Variants in SYNE3 observed in about 807,000 individuals in gnomAD.
The protein encoded by SYNE3 is nesprin-3.
SYNE3 carries 100 observed loss-of-function variants against 111.2 expected under a neutral mutation model. That is an observed-to-expected ratio of 0.90 (90% CI 0.77 to 1.06). SYNE3 has a LOEUF of 1.06. Among genes scored for constraint, SYNE3 ranks in the 50% least tolerant of loss-of-function variants. The probability of loss-of-function intolerance (pLI) is 0.00; values close to 1 mark genes in which losing one functional copy is unlikely to be tolerated. For synonymous variants in SYNE3, 547 were observed against 533.9 expected, an observed-to-expected ratio of 1.02 and a Z score of -0.34; for missense variants, 1,160 against 1,240.3, an observed-to-expected ratio of 0.94 and a Z score of 0.97.
At chr14:95,464,922 A>G (rs1888071233) in intron 4 of SYNE3, among the ~76,000 whole-genome samples, 1 of 152,250 alleles carries the variant, frequency 6.6e-6, no homozygotes, top group Non-Finnish European at 1.5e-5. Context: ...AATGATTGCA[A>G]ATATAAGCTA....
chr14:95,511,977 C>T (rs1890738853), intron 1 of SYNE3, among the ~76,000 whole-genome samples: 1 of 152,088 alleles, frequency 6.6e-6, no homozygotes, highest in South Asian at 2.1e-4. Context: ...GTCCAGGTGA[C>T]CTGAGGTTCC....
chr14:95,447,384 C>T (rs537020403), intron 8 of SYNE3, among the ~76,000 whole-genome samples: 153 of 152,164 alleles, frequency 1.0e-3, no homozygotes, highest in Non-Finnish European at 1.9e-3. Flanking sequence ...GATCCGCCCA[C>T]CTCGGCCTCC....
intron 2 of SYNE3, among the ~76,000 whole-genome samples, chr14:95,469,549 A>AAAAAAAT: frequency 6.9e-6 from 1 of 144,068 alleles, no homozygotes; most frequent in African/African-American, 2.5e-5. Context: ...AAAAAAAAAA[A>AAAAAAAT]AAAAATTAAA....
chr14:95,450,325 T>TG lies in SYNE3; in HGVS notation c.1275-221dup, dbSNP rs1192310478. ...TATGAAAAGGCATCAGCAGCAGGCC[T>TG]GGGGTCTTCCTGAGGACAGACACTG... On this transcript the variant is annotated intron_variant, in intron 7 of 17. Coordinates refer to ENST00000682763, the MANE Select transcript of SYNE3 (RefSeq NM_152592.6). 1.0e-5 allele frequency: 6 copies of TG among 598,480 alleles called. No individual in the cohort carries two copies. In the African/African-American group the frequency reaches 1.1e-4, roughly 11 times the overall value. The allele number at this position is 598,480 out of a possible 1,614,324, so 37.1% of individuals were successfully genotyped here. A position where few individuals can be genotyped will look rare whatever the true frequency, so the allele number is the denominator to read the frequency against.
chr14:95,452,563 T>C (rs963637555), intron 6 of SYNE3, among the ~76,000 whole-genome samples, 180 bp from the exon 7 acceptor site: 5 of 152,328 alleles, frequency 3.3e-5, no homozygotes, highest in Non-Finnish European at 7.3e-5. Context: ...TCTAGCTCCA[T>C]GACCTGGAAC....
At position 95,455,898 on chromosome 14, in the gene SYNE3, T is replaced by G. The variant is rs1887407628; in HGVS notation, c.790-174A>C. 4 of 612,252 alleles carry G rather than the reference T, an allele frequency of 6.5e-6. No homozygotes were observed. In the South Asian group the frequency reaches 8.8e-5, roughly 14 times the overall value. The allele number at this position is 612,252 out of a possible 1,614,324, so 37.9% of individuals were successfully genotyped here. A position where few individuals can be genotyped will look rare whatever the true frequency, so the allele number is the denominator to read the frequency against. ...ACTGTCTGCCTTAAGTAGCATGGAC[T>G]CACAACCTGAGAACCCTATTCCTTC... On this transcript the variant is annotated intron_variant, in intron 5 of 17. Coordinates refer to ENST00000682763, the MANE Select transcript of SYNE3 (RefSeq NM_152592.6).
chr14:95,478,946 G>C lies in SYNE3; in HGVS notation c.-14-3111C>G, dbSNP rs1889056633. On this transcript the variant is annotated intron_variant, in intron 1 of 17. Coordinates refer to ENST00000682763, the MANE Select transcript of SYNE3 (RefSeq NM_152592.6). ...AGTGACCCCACCGGCACATGTCTGG[G>C]AAAGAGTCAGCCATGAGGCCAGAAG... Among the ~76,000 whole-genome samples the C allele has an allele frequency of 3.9e-5, 6 of 152,200 alleles. No individual in the cohort carries two copies. The South Asian group carries it at 1.0e-3, about 26-fold the overall frequency.
rs961636676 is a variant in SYNE3 at position 95,455,291 on chromosome 14, A to G, written c.1137+86T>C. 2.2e-5 allele frequency: 24 copies of G among 1,114,222 alleles called. No homozygotes were observed. The African/African-American group carries it at 3.6e-4, about 17-fold the overall frequency. 69.0% of individuals were successfully genotyped at this position (1,114,222 alleles called of 1,614,324 possible). A position where few individuals can be genotyped will look rare whatever the true frequency, so the allele number is the denominator to read the frequency against. ...GTGAGTGTGCTCAGGGCTCAGCCCG[A>G]TTCTCCATCACAGAGGAGGTCTGAG... On this transcript the variant is annotated intron_variant, in intron 6 of 17. Coordinates refer to ENST00000682763, the MANE Select transcript of SYNE3 (RefSeq NM_152592.6).
rs1007397867 is a variant in SYNE3, at chr14:95,426,785, C to CA, written c.2727+5293dup. ...TGAAACCACGTCTCTACTAAAAATA[C>CA]AAAAAAAAATTAGCCAGGCGTGGTG... On this transcript the variant is annotated intron_variant, in intron 17 of 17. Coordinates refer to ENST00000682763, the MANE Select transcript of SYNE3 (RefSeq NM_152592.6). 7.1e-4 allele frequency among the ~76,000 whole-genome samples: 106 copies of CA among 149,476 alleles called. 2 individuals carry two copies. Among genetic ancestry groups the CA allele is most frequent in the African/African-American group, 2.2e-3 (89 of 40,784 alleles).
At chr14:95,480,871 G>A (rs1889201020) in intron 1 of SYNE3, among the ~76,000 whole-genome samples, 1 of 152,210 alleles carries the variant, frequency 6.6e-6, no homozygotes, top group South Asian at 2.1e-4. Context: ...TGGGCCTCCT[G>A]GCATCCCGGT....
chr14:95,492,015 C>A (rs758228474), intron 1 of SYNE3, among the ~76,000 whole-genome samples: 5 of 152,136 alleles, frequency 3.3e-5, no homozygotes, highest in African/African-American at 4.8e-5. Context: ...GCCCAGAAAG[C>A]ACAGAAAAGA....
At chr14:95,481,282 C>T (rs565390080) in intron 1 of SYNE3, among the ~76,000 whole-genome samples, 2 of 152,326 alleles carry the variant, frequency 1.3e-5, no homozygotes, top group South Asian at 2.1e-4. Context: ...TACCGTGGGG[C>T]ATCCAATAGA....
intron 14 of SYNE3, chr14:95,438,351 G>A (rs1366304038): frequency 2.0e-5 from 3 of 152,232 alleles, no homozygotes; most frequent in East Asian, 1.9e-4. Flanking sequence ...GCCTCCCAAA[G>A]TTCTGAGATT....
At position 95,465,828 on chromosome 14, in the gene SYNE3, G is replaced by C; in HGVS notation, c.627+103C>G. ...ATAGTAGAAAGATAGATTGATAGTAGGTAAATAGCTTGATAGTAGGCAAAC... is the reference window on the plus strand; with the variant it reads ...ATAGTAGAAAGATAGATTGATAGTACGTAAATAGCTTGATAGTAGGCAAAC... On this transcript the variant is annotated intron_variant, in intron 4 of 17. Transcript: ENST00000682763. 2.4e-6 allele frequency: 3 copies of C among 1,242,492 alleles called. No homozygotes were observed. The South Asian group carries it at 4.7e-5, about 20-fold the overall frequency. The allele number at this position is 1,242,492 out of a possible 1,614,324, so 77.0% of individuals were successfully genotyped here.
At chr14:95,495,650 C>A (rs17092559) in intron 1 of SYNE3, among the ~76,000 whole-genome samples, 31,487 of 149,786 alleles carry the variant, frequency 0.21, 3,244 homozygotes, top group Middle Eastern at 0.28. Context: ...ACTGAGGCAC[C>A]AAGTCAGAAG....
intron 2 of SYNE3, among the ~76,000 whole-genome samples, chr14:95,473,862 G>A (rs1442635908): frequency 4.7e-5 from 7 of 149,460 alleles, no homozygotes; most frequent in East Asian, 2.0e-4. Flanking sequence ...AGCTAAGGCT[G>A]GTGTGAGCTT....
At chr14:95,453,328 C>G (rs1008881761) in intron 6 of SYNE3, among the ~76,000 whole-genome samples, 1 of 152,144 alleles carries the variant, frequency 6.6e-6, no homozygotes, top group African/African-American at 2.4e-5. Context: ...GACCTCTGAC[C>G]GATCCTCCAT....
chr14:95,515,298 A>G (rs1427109943), intron 1 of SYNE3, among the ~76,000 whole-genome samples: 2 of 152,236 alleles, frequency 1.3e-5, no homozygotes, highest in Non-Finnish European at 2.9e-5. Context: ...GCAGACCCAC[A>G]TGTGCTGGAG....
Position 95,475,731 on chromosome 14 carries a change from C to T in SYNE3, c.91G>A (p.Asp31Asn), listed in dbSNP as rs762535247. The change falls in exon 2 of 18, where the codon GAC (aspartate) becomes AAC (asparagine). Residue 31 changes from aspartate (D) to asparagine (N), a missense_variant. Coordinates refer to ENST00000682763, the MANE Select transcript of SYNE3 (RefSeq NM_152592.6). ...GCCGCGCGGGGTCCCTGCGTGTTGT[C>T]ATTGACCTGCAGCTGGTCCTGCACA... The part of the protein sequence containing the change: ...KAVQDQLQVN[D>N]NTQGPRAALE... The T allele has an allele frequency of 1.2e-6, 2 of 1,607,086 alleles. No homozygotes were observed. The highest frequency in any genetic ancestry group is 2.2e-5 in the South Asian group (2 of 89,752).
Sources: allele counts gnomAD v4.1 joint callset (sites outside exome capture counted in the v4.1 genomes callset), GRCh38; gene constraint gnomAD v4.1.1; transcripts MANE v1.5; gene names NCBI Gene and HGNC (gene_info 2026-07-23, HGNC 2026-07-21).